LRRC71: variants seen among roughly 807,000 people sequenced by gnomAD.
LRRC71 encodes leucine rich repeat containing 71.
A neutral mutation model predicts 66.6 loss-of-function variants in LRRC71; 54 were observed. That is an observed-to-expected ratio of 0.81 (90% CI 0.65 to 1.02). The LOEUF is 1.02. Among genes scored for constraint, LRRC71 ranks in the 50% least tolerant of loss-of-function variants. LRRC71 has a pLI of 0.00. For missense variants in LRRC71, 724 were observed against 718.0 expected, an observed-to-expected ratio of 1.01 and a Z score of -0.10; for synonymous variants, 323 against 303.9, an observed-to-expected ratio of 1.06 and a Z score of -0.65.
chr1:156,929,836 A>G, intron 11 of LRRC71, 107 bp downstream of exon 11: 1 of 865,702 alleles, frequency 1.2e-6, no homozygotes, highest in Non-Finnish European at 1.8e-6. Flanking sequence ...CCTGGAGCTC[A>G]TCTCGCCATG....
In LRRC71 at chr1:156,927,484, C is replaced by T; in HGVS notation, c.663-12C>T. The T allele has an allele frequency of 2.6e-6, 4 of 1,522,364 alleles. 1 individual carries two copies. The South Asian group carries it at 5.2e-5, about 20-fold the overall frequency. The allele number at this position is 1,522,364 out of a possible 1,614,324, so 94.3% of individuals were successfully genotyped here. A position where few individuals can be genotyped will look rare whatever the true frequency, so the allele number is the denominator to read the frequency against. ...TTTCCAGCGACCCACATTCTCCCTC[C>T]GGCTGCCCCAGGATTGCGCACTTGT... On this transcript the variant is annotated splice_polypyrimidine_tract_variant and intron_variant, in intron 6 of 14. Coordinates refer to ENST00000337428, the MANE Select transcript of LRRC71 (RefSeq NM_144702.3).
downstream of LRRC71, chr1:156,937,224 G>T: frequency 6.2e-7 from 1 of 1,612,870 alleles, no homozygotes; most frequent in South Asian, 1.1e-5. Flanking sequence ...AAGGCCTGCA[G>T]GGACCCAAGC....
chr1:156,932,801 A>G, intron 14 of LRRC71, 52 bp from the exon 15 acceptor site: 1 of 1,398,508 alleles, frequency 7.2e-7, no homozygotes, highest in Non-Finnish European at 9.8e-7. Flanking sequence ...TTTCTGCCAG[A>G]GGACTAATCT....
chr1:156,931,871 C>T, intron 12 of LRRC71, 45 bp from the exon 13 acceptor site: 1 of 1,441,926 alleles, frequency 6.9e-7, no homozygotes, highest in Non-Finnish European at 9.5e-7. Context: ...GGCCTGTTGA[C>T]CAGCTCCCCT....
chr1:156,938,575 G>A, the LRRC71 span: 3 of 1,530,472 alleles, frequency 2.0e-6, no homozygotes, highest in Middle Eastern at 3.4e-4. Context: ...AGGGAAGGGA[G>A]AGAGAACAGG....
At chr1:156,940,508 G>A in the LRRC71 span, 1 of 1,292,012 alleles carries the variant, frequency 7.7e-7, no homozygotes, top group Non-Finnish European at 1.1e-6. Context: ...TTGGAGCCAA[G>A]GGGCTGGGAA....
Position 156,924,022 on chromosome 1 carries a change from C to T in LRRC71, c.234C>T (p.Phe78=), listed in dbSNP as rs369823088. Residue 78 remains phenylalanine (F), a synonymous_variant, in exon 2 of 15, where the codon TTC becomes TTT. Coordinates refer to ENST00000337428, the MANE Select transcript of LRRC71 (RefSeq NM_144702.3). ...ELCTRWGYTD[F]PKVVNRPRPH... is the part of the protein sequence containing the mutation. ...GCACGCGGTGGGGCTACACGGACTT[C>T]CCCAAAGTTGTCAACCGGCCCCGCC... 1 of 1,548,346 alleles carries T rather than the reference C, an allele frequency of 6.5e-7. No homozygotes were observed. The highest frequency in any genetic ancestry group is 8.7e-7 in the Non-Finnish European group (1 of 1,146,102).
At position 156,927,582 on chromosome 1, in the gene LRRC71, G is replaced by A. The variant is rs962840391; in HGVS notation, c.749G>A (p.Cys250Tyr). Residue 250 changes from cysteine (C) to tyrosine (Y), a missense_variant, in exon 7 of 15, where the codon TGC becomes TAC. Physicochemically the swap from Cys to Tyr is radical, Grantham distance 194. Coordinates refer to ENST00000337428, the MANE Select transcript of LRRC71 (RefSeq NM_144702.3). ...LGQALSTLHS[C>Y]NRTLVSLNLG... ...CAGGCGCTGTCCACGCTGCACAGCT[G>A]CAACCGGACCCTCGTCTCGCTCAAC... 1 of 1,597,642 alleles carries A rather than the reference G, an allele frequency of 6.3e-7. No individual in the cohort carries two copies. Among genetic ancestry groups the A allele is most frequent in the African/African-American group, 1.3e-5 (1 of 74,824 alleles).
At chr1:156,932,816 T>C in intron 14 of LRRC71, 37 bp from the exon 15 acceptor site, 1 of 1,559,674 alleles carries the variant, frequency 6.4e-7, no homozygotes, top group Non-Finnish European at 8.7e-7. Flanking sequence ...TAATCTTCAT[T>C]CCTCTTGTCA....
In LRRC71 at chr1:156,929,682, C is replaced by G; in HGVS notation, c.1193C>G (p.Thr398Arg). Residue 398 changes from threonine to arginine, a missense_variant, in exon 11 of 15, where the codon ACA becomes AGA. Physicochemically the swap from Thr to Arg is moderately conservative, Grantham distance 71. Transcript: ENST00000337428. ...AAGTTGGGGTCTGGGCAGTCACCCA[C>G]ACAAGGAACCCCTAAGAAGGAAGAT... is the stretch of plus-strand genomic sequence containing the variant. The part of the protein sequence containing the change: ...EEKLGSGQSP[T>R]QGTPKKEDAT... 6.3e-7 allele frequency: 1 copy of G among 1,584,522 alleles called. No homozygotes were observed. The highest frequency in any genetic ancestry group is 8.6e-7 in the Non-Finnish European group (1 of 1,165,376).
At chr1:156,930,068 CTT>C (rs1654101626) in intron 11 of LRRC71, among the ~76,000 whole-genome samples, 1 of 119,674 alleles carries the variant, frequency 8.4e-6, no homozygotes, top group Non-Finnish European at 1.7e-5. Flanking sequence ...CTTTTTCTTT[CTT>C]TCTTTCTTTT....
At chr1:156,929,789 C>A (rs767997685) in intron 11 of LRRC71, 60 bp downstream of exon 11, 1 of 1,431,492 alleles carries the variant, frequency 7.0e-7, no homozygotes. Flanking sequence ...AGTGCCGGGC[C>A]GGGTGCAGGA....
downstream of LRRC71, chr1:156,935,923 C>A: frequency 1.3e-6 from 2 of 1,501,370 alleles, no homozygotes; most frequent in Non-Finnish European, 1.8e-6. Flanking sequence ...GTTGGGATCC[C>A]CCCTACCCTG....
downstream of LRRC71, among the ~76,000 whole-genome samples, chr1:156,936,497 A>AAATATATAT (rs370282821): frequency 4.1e-4 from 14 of 33,936 alleles, no homozygotes; most frequent in East Asian, 2.2e-3. Flanking sequence ...AAAAAAAAAA[A>AAATATATAT]ATATATATAT....
chr1:156,939,307 T>TG, the LRRC71 span: 1 of 569,876 alleles, frequency 1.8e-6, no homozygotes, highest in Non-Finnish European at 3.1e-6. Context: ...AGTTCAGAGA[T>TG]GATTCAGAAT....
downstream of LRRC71, among the ~76,000 whole-genome samples, chr1:156,936,497 A>ATATATATATATATATAT (rs1553192805): frequency 8.8e-5 from 3 of 33,934 alleles, no homozygotes; most frequent in African/African-American, 1.5e-4. Flanking sequence ...AAAAAAAAAA[A>ATATATATATATATATAT]ATATATATAT....
chr1:156,931,663 C>A (rs745524185), intron 12 of LRRC71, among the ~76,000 whole-genome samples: 1 of 152,122 alleles, frequency 6.6e-6, no homozygotes, highest in Non-Finnish European at 1.5e-5. Context: ...TGGCCTTTTC[C>A]GTGCTCCCAC....
At chr1:156,939,928 T>C in the LRRC71 span, 1 of 1,597,940 alleles carries the variant, frequency 6.3e-7, no homozygotes, top group South Asian at 1.1e-5. Context: ...GGAAACAGGG[T>C]GATGTCTTCC....
Position 156,927,934 on chromosome 1 carries a change from T to G in LRRC71, c.926T>G (p.Leu309Arg). Reference sequence around the variant, plus strand: ...CTTCAGGTCCTGCGCGCCTTCGAGCTGACACACACCGAAGTGGTGGAGCGC... The same window carrying G: ...CTTCAGGTCCTGCGCGCCTTCGAGCGGACACACACCGAAGTGGTGGAGCGC... ...KLAEVLRAFE[L>R]THTEVVERRR... Residue 309 changes from leucine (L) to arginine (R), a missense_variant, in exon 9 of 15, where the codon CTG (leucine) becomes CGG (arginine). Transcript: ENST00000337428. 1 of 1,612,114 alleles carries G rather than the reference T, an allele frequency of 6.2e-7. No individual in the cohort carries two copies. The highest frequency in any genetic ancestry group is 8.5e-7 in the Non-Finnish European group (1 of 1,179,328).
Sources: gnomAD v4.1 joint callset for allele counts (sites outside exome capture counted in the v4.1 genomes callset) on GRCh38, gnomAD v4.1.1 for gene constraint, MANE v1.5 for transcripts, NCBI Gene and HGNC (gene_info 2026-07-23, HGNC 2026-07-21) for gene names.